Variants in RHOBTB1 observed in about 807,000 individuals in gnomAD.
The protein encoded by RHOBTB1 is Rho related BTB domain containing 1.
RHOBTB1 carries 40 observed loss-of-function variants against 71.6 expected under a neutral mutation model. That is an observed-to-expected ratio of 0.56 (90% CI 0.43 to 0.73). RHOBTB1 has a LOEUF of 0.73. Ranked by LOEUF, RHOBTB1 falls within the 30% of genes least tolerant of loss-of-function variation. The probability of loss-of-function intolerance (pLI) is 0.00; values close to 1 mark genes in which losing one functional copy is unlikely to be tolerated. For missense variants in RHOBTB1, 797 were observed against 894.0 expected (o/e 0.89, Z 1.38); for synonymous variants, 319 against 334.9 (o/e 0.95, Z 0.52).
rs1272560729 is a variant in RHOBTB1 at position 60,871,422 on chromosome 10, G to GA, written c.*59dup. ...AAGACGAATTTTATAGTAGTGCTTT[G>GA]AAAAGTGGTGGATCAGATTACCGAT... On this transcript the variant is annotated 3_prime_UTR_variant, in exon 11 of 11. Coordinates refer to ENST00000337910, the MANE Select transcript of RHOBTB1 (RefSeq NM_014836.5). 2.1e-5 allele frequency: 32 copies of GA among 1,548,954 alleles called. No homozygotes were observed. The highest frequency in any genetic ancestry group is 2.8e-5 in the Non-Finnish European group (32 of 1,137,392).
intron 9 of RHOBTB1, among the ~76,000 whole-genome samples, chr10:60,873,277 C>T (rs2080888193): frequency 6.6e-6 from 1 of 152,198 alleles, no homozygotes; most frequent in African/African-American, 2.4e-5. Context: ...TGCATTTCTT[C>T]CCTACTTTGA....
intron 2 of RHOBTB1, among the ~76,000 whole-genome samples, chr10:60,967,405 A>C (rs926130882): frequency 8.1e-5 from 12 of 148,602 alleles, no homozygotes; most frequent in Non-Finnish European, 1.2e-4. Flanking sequence ...CGATTCTTGC[A>C]CCTCAGCCTC....
At chr10:60,894,637 T>C (rs2082077512) in intron 4 of RHOBTB1, among the ~76,000 whole-genome samples, 1 of 152,212 alleles carries the variant, frequency 6.6e-6, no homozygotes, top group Non-Finnish European at 1.5e-5. Context: ...ATCAGGTATC[T>C]GATGAAACTC....
chr10:60,948,729 G>A (rs1389878849), upstream of RHOBTB1, among the ~76,000 whole-genome samples: 1 of 152,230 alleles, frequency 6.6e-6, no homozygotes. Flanking sequence ...TAAGTGTTTG[G>A]TAGAAAGGTA....
chr10:60,966,305 A>G (rs1373762289), intron 2 of RHOBTB1, among the ~76,000 whole-genome samples: 1 of 143,534 alleles, frequency 7.0e-6, no homozygotes, highest in Non-Finnish European at 1.5e-5. Context: ...ATTATATTCG[A>G]AAAAAAAAAA....
chr10:60,962,917 T>C (rs1392861748), intron 2 of RHOBTB1, among the ~76,000 whole-genome samples: 1 of 152,174 alleles, frequency 6.6e-6, no homozygotes, highest in Non-Finnish European at 1.5e-5. Flanking sequence ...TTTCAATGTA[T>C]GCCATTCCTA....
At chr10:60,956,689 A>G (rs1376855831) in intron 2 of RHOBTB1, among the ~76,000 whole-genome samples, 2 of 151,534 alleles carry the variant, frequency 1.3e-5, no homozygotes, top group Non-Finnish European at 2.9e-5. Context: ...AATCTAGGAC[A>G]CAAACACACA....
chr10:60,919,130 TTATCTCCATTTAGCTGTTCACAGACAG>T (rs370402965), intron 2 of RHOBTB1, among the ~76,000 whole-genome samples: 97 of 152,352 alleles, frequency 6.4e-4, no homozygotes, highest in African/African-American at 2.1e-3. Context: ...CTTTGTAGTC[TTATCTCCATTTAGCTGTTCACAGACAG>T]TCTGAATGAT....
the RHOBTB1 span, among the ~76,000 whole-genome samples, chr10:60,861,206 G>T: frequency 1.3e-5 from 2 of 152,174 alleles, no homozygotes; most frequent in Non-Finnish European, 2.9e-5. Context: ...TAGGTTATAG[G>T]ACGTTCTGTT....
intron 2 of RHOBTB1, among the ~76,000 whole-genome samples, chr10:60,918,307 T>G (rs1374826679): frequency 6.6e-6 from 1 of 152,148 alleles, no homozygotes; most frequent in Non-Finnish European, 1.5e-5. Context: ...TTCAAATCAT[T>G]TCCCTTCCTT....
At chr10:60,884,088 A>G (rs902177976) in intron 7 of RHOBTB1, among the ~76,000 whole-genome samples, 1 of 152,226 alleles carries the variant, frequency 6.6e-6, no homozygotes, top group Admixed American at 6.5e-5. Context: ...CCTGAAAAGC[A>G]GATAGCCTTT....
At chr10:61,001,137 A>G (rs2087252414) in intron 1 of RHOBTB1, among the ~76,000 whole-genome samples, 1 of 152,064 alleles carries the variant, frequency 6.6e-6, no homozygotes, top group African/African-American at 2.4e-5. Flanking sequence ...CAAGACACCC[A>G]AAGTATTCTG....
In RHOBTB1 at chr10:60,877,893, A is replaced by C; in HGVS notation, c.1726+15T>G. ...ATATGACAGACACTGCATGGCCCTG[A>C]GTCATCATCCTTACCTGCAAGTGCA... On this transcript the variant is annotated intron_variant, in intron 8 of 10. Coordinates refer to ENST00000337910, the MANE Select transcript of RHOBTB1 (RefSeq NM_014836.5). The C allele has an allele frequency of 6.2e-7, 1 of 1,610,832 alleles. No individual in the cohort carries two copies. The highest frequency in any genetic ancestry group is 8.5e-7 in the Non-Finnish European group (1 of 1,178,626).
chr10:60,998,837 T>C (rs2087152726), intron 1 of RHOBTB1, among the ~76,000 whole-genome samples: 1 of 152,254 alleles, frequency 6.6e-6, no homozygotes, highest in Non-Finnish European at 1.5e-5. Context: ...CACACTTCAG[T>C]GCAGAATGTG....
At chr10:60,997,317 A>C (rs2087091440) in intron 1 of RHOBTB1, among the ~76,000 whole-genome samples, 1 of 152,174 alleles carries the variant, frequency 6.6e-6, no homozygotes, top group Admixed American at 6.5e-5. Context: ...GAAATCACCA[A>C]AGATATTTGT....
At chr10:60,894,083 A>T (rs2082050273) in intron 4 of RHOBTB1, among the ~76,000 whole-genome samples, 1 of 152,234 alleles carries the variant, frequency 6.6e-6, no homozygotes, top group Admixed American at 6.5e-5. Flanking sequence ...AGTCAAGTCG[A>T]TGAATCAAAA....
intron 6 of RHOBTB1, among the ~76,000 whole-genome samples, chr10:60,886,785 G>T (rs2081605274): frequency 6.6e-6 from 1 of 151,214 alleles, no homozygotes; most frequent in Non-Finnish European, 1.5e-5. Flanking sequence ...CAATCCTACT[G>T]TCTCAGTCTC....
chr10:60,899,685 T>C (rs1179985554), intron 4 of RHOBTB1, among the ~76,000 whole-genome samples: 3 of 152,216 alleles, frequency 2.0e-5, no homozygotes, highest in East Asian at 1.9e-4. Context: ...GAGAACCTAC[T>C]GTGTACCAGG....
At chr10:60,873,778 C>A (rs1052032290) in intron 9 of RHOBTB1, among the ~76,000 whole-genome samples, 2 of 152,206 alleles carry the variant, frequency 1.3e-5, no homozygotes, top group African/African-American at 4.8e-5. Context: ...TCACTGTAAT[C>A]CCTAATTGGA....
Sources: allele counts gnomAD v4.1 joint callset (sites outside exome capture counted in the v4.1 genomes callset), GRCh38; gene constraint gnomAD v4.1.1; transcripts MANE v1.5; gene names NCBI Gene and HGNC (gene_info 2026-07-23, HGNC 2026-07-21).